DNAJC24: variants seen among roughly 807,000 people sequenced by gnomAD.
The protein encoded by DNAJC24 is dnaJ homolog subfamily C member 24.
In DNAJC24, 17 loss-of-function variants were observed where a neutral mutation model predicts 18.0. The ratio of observed to expected loss-of-function variants is 0.94; its 90% CI spans 0.65 to 1.42. The LOEUF is 1.42. Among genes scored for constraint, DNAJC24 ranks in the 40% most tolerant of loss-of-function variants. The pLI is 0.00. For missense variants in DNAJC24, 158 were observed against 175.6 expected (o/e 0.90, Z 0.57); for synonymous variants, 55 against 57.7 (o/e 0.95, Z 0.21).
At chr11:31,420,897 G>A (rs1234028287) in intron 3 of DNAJC24, among the ~76,000 whole-genome samples, 1 of 152,114 alleles carries the variant, frequency 6.6e-6, no homozygotes, top group African/African-American at 2.4e-5. Flanking sequence ...TGTTTTACCT[G>A]TTTTATAGTG....
At chr11:31,371,943 CCTCCCAAGTA>C (rs1477946021) in intron 2 of DNAJC24, among the ~76,000 whole-genome samples, 1 of 151,222 alleles carries the variant, frequency 6.6e-6, no homozygotes, top group Non-Finnish European at 1.5e-5. Flanking sequence ...CCTGTCTCAG[CCTCCCAAGTA>C]GCTGGGATTA....
rs1406244844 is a variant in DNAJC24 at position 31,407,702 on chromosome 11, A to ATATAT, written c.112-7109_112-7108insTATAT. On this transcript the variant is annotated intron_variant, in intron 2 of 4. Coordinates refer to ENST00000465995, the MANE Select transcript of DNAJC24 (RefSeq NM_181706.5). The stretch of plus-strand genomic sequence containing the variant: ...CCCATCTCAAAAAAAAAAAAAAAAA[A>ATATAT]AAAAATATATATATATATATATAAA... 3.7e-3 allele frequency among the ~76,000 whole-genome samples: 400 copies of ATATAT among 108,836 alleles called. 1 individual carries two copies. Among genetic ancestry groups the ATATAT allele is most frequent in the South Asian group, 0.011 (39 of 3,608 alleles). 71.4% of individuals were successfully genotyped at this position (108,836 alleles called of 152,430 possible). A position where few individuals can be genotyped will look rare whatever the true frequency, so the allele number is the denominator to read the frequency against.
In DNAJC24 at chr11:31,432,131, A is replaced by G. The variant is rs2133513300; in HGVS notation, c.*1730A>G. On this transcript the variant is annotated 3_prime_UTR_variant, in exon 5 of 5. Transcript: ENST00000465995. ...CTGGCATTGTCAGGTTGAACTTATA[A>G]ATACGAATAGTTACTACTCTGACTT... Among the ~76,000 whole-genome samples the G allele has an allele frequency of 6.6e-6, 1 of 152,312 alleles. No individual in the cohort carries two copies.
rs762319217 is a variant in DNAJC24 at position 31,432,502 on chromosome 11, A to T, written c.*2101A>T. 22 of 1,607,474 alleles carry T rather than the reference A, an allele frequency of 1.4e-5. No individual in the cohort carries two copies. Among genetic ancestry groups the T allele is most frequent in the African/African-American group, 2.7e-5 (2 of 74,800 alleles). ...CAAGTCAAAAGAATAAATGCTTACT[A>T]ATCATCAGAAAATCTGTGGCCATTA... On this transcript the variant is annotated 3_prime_UTR_variant, in exon 5 of 5. Transcript: ENST00000465995.
At chr11:31,415,372 G>C (rs188450441) in intron 3 of DNAJC24, 16 of 152,704 alleles carry the variant, frequency 1.0e-4, no homozygotes, top group Admixed American at 7.8e-4. Flanking sequence ...TGCTGTCTTT[G>C]AGCTCATTTT....
chr11:31,410,628 C>T (rs567896839), intron 2 of DNAJC24, among the ~76,000 whole-genome samples: 4 of 152,294 alleles, frequency 2.6e-5, no homozygotes, highest in Admixed American at 1.3e-4. Flanking sequence ...CAAAGATATT[C>T]TCTTGTTGCC....
intron 3 of DNAJC24, among the ~76,000 whole-genome samples, chr11:31,423,834 G>C (rs1176714241): frequency 2.6e-5 from 4 of 152,084 alleles, no homozygotes; most frequent in African/African-American, 9.7e-5. Flanking sequence ...CTGACCTTGG[G>C]CAAGGTACTA....
At chr11:31,406,482 G>A (rs1405678880) in intron 2 of DNAJC24, among the ~76,000 whole-genome samples, 1 of 152,120 alleles carries the variant, frequency 6.6e-6, no homozygotes. Context: ...GCACAGATAT[G>A]GATATAGTTA....
chr11:31,431,019 A>G lies in DNAJC24; in HGVS notation c.*618A>G, dbSNP rs1368862267. ...GTAATTTAGGAAATGGAAGCTTTTA[A>G]TTTTAATTTCTTTTTTCTAAGACAG... On this transcript the variant is annotated 3_prime_UTR_variant, in exon 5 of 5. Coordinates refer to ENST00000465995, the MANE Select transcript of DNAJC24 (RefSeq NM_181706.5). 2 of 152,042 alleles carry G rather than the reference A, an allele frequency of 1.3e-5. No individual in the cohort carries two copies. The highest frequency in any genetic ancestry group is 1.3e-4 in the Admixed American group (2 of 15,254). 9.4% of individuals were successfully genotyped at this position (152,042 alleles called of 1,614,324 possible). A position where few individuals can be genotyped will look rare whatever the true frequency, so the allele number is the denominator to read the frequency against.
At chr11:31,392,855 G>C (rs780388485) in intron 2 of DNAJC24, among the ~76,000 whole-genome samples, 3 of 151,934 alleles carry the variant, frequency 2.0e-5, no homozygotes, top group Non-Finnish European at 4.4e-5. Flanking sequence ...CACCATGTCA[G>C]CCAGCCTGGT....
chr11:31,396,450 T>A (rs918257405), intron 2 of DNAJC24: 10 of 330,716 alleles, frequency 3.0e-5, no homozygotes, highest in Non-Finnish European at 5.4e-5. Flanking sequence ...GAGGAGTTCA[T>A]AACTCAAAAA....
intron 2 of DNAJC24, among the ~76,000 whole-genome samples, chr11:31,389,903 A>G (rs985551938): frequency 6.6e-6 from 1 of 152,232 alleles, no homozygotes; most frequent in Admixed American, 6.5e-5. Context: ...CATACTCCTG[A>G]ATGATCAGTG....
chr11:31,390,303 G>A (rs1264619284), intron 2 of DNAJC24, among the ~76,000 whole-genome samples: 1 of 150,954 alleles, frequency 6.6e-6, no homozygotes, highest in Non-Finnish European at 1.5e-5. Context: ...GGCTGAGGCA[G>A]GAGAATTGCT....
At chr11:31,410,357 T>A (rs1952696596) in intron 2 of DNAJC24, among the ~76,000 whole-genome samples, 1 of 152,254 alleles carries the variant, frequency 6.6e-6, no homozygotes, top group African/African-American at 2.4e-5. Flanking sequence ...TGTTCAATTT[T>A]ATTCATCTGG....
chr11:31,381,494 A>G (rs1952376113), intron 2 of DNAJC24, among the ~76,000 whole-genome samples: 1 of 152,154 alleles, frequency 6.6e-6, no homozygotes, highest in Admixed American at 6.6e-5. Flanking sequence ...TGTGTAGGAT[A>G]AGTGTCTGGA....
chr11:31,382,428 C>G (rs1952385643), intron 2 of DNAJC24, among the ~76,000 whole-genome samples: 2 of 152,110 alleles, frequency 1.3e-5, no homozygotes, highest in Non-Finnish European at 2.9e-5. Context: ...TTATCATCAT[C>G]AGTAGAAATT....
chr11:31,415,070 C>T, intron 3 of DNAJC24, 121 bp downstream of exon 3: 1 of 1,053,046 alleles, frequency 9.5e-7, no homozygotes, highest in Non-Finnish European at 1.3e-6. Flanking sequence ...TTTATTCCTC[C>T]CCTCCATCAC....
intron 2 of DNAJC24, among the ~76,000 whole-genome samples, chr11:31,390,145 A>AT (rs1952476092): frequency 6.6e-6 from 1 of 152,170 alleles, no homozygotes; most frequent in Non-Finnish European, 1.5e-5. Flanking sequence ...CACGCCTGTA[A>AT]TCCTAGCCAC....
chr11:31,399,351 C>CT (rs1952575412), intron 2 of DNAJC24, among the ~76,000 whole-genome samples: 1 of 151,708 alleles, frequency 6.6e-6, no homozygotes, highest in African/African-American at 2.4e-5. Context: ...AACCACGTAT[C>CT]TTAACCTTTT....
Sources: gnomAD v4.1 joint callset for allele counts (sites outside exome capture counted in the v4.1 genomes callset) on GRCh38, gnomAD v4.1.1 for gene constraint, MANE v1.5 for transcripts, NCBI Gene and HGNC (gene_info 2026-07-23, HGNC 2026-07-21) for gene names.